TLL2: variants seen among roughly 807,000 people sequenced by gnomAD.
The protein encoded by TLL2 is tolloid like 2.
A neutral mutation model predicts 123.0 loss-of-function variants in TLL2; 106 were observed. That is an observed-to-expected ratio of 0.86 (90% CI 0.74 to 1.01). The LOEUF is 1.01. TLL2 is among the 50% of genes least tolerant of loss of function. The pLI, the probability that TLL2 is intolerant of heterozygous loss-of-function variation, is 0.00. For synonymous variants in TLL2, 494 were observed against 516.8 expected (o/e 0.96, Z 0.60); for missense variants, 1,332 against 1,336.7 (o/e 1.00, Z 0.06).
intron 1 of TLL2, 54 bp downstream of exon 1, chr10:96,513,457 C>T: frequency 6.2e-7 from 1 of 1,606,694 alleles, no homozygotes; most frequent in Admixed American, 1.7e-5. Flanking sequence ...CCCACCACCT[C>T]ATTTGCATTT....
Position 96,421,663 on chromosome 10 carries a change from CAA to C in TLL2, c.818-604_818-603del, listed in dbSNP as rs35084852. On this transcript the variant is annotated intron_variant, in intron 6 of 20. Transcript: ENST00000357947. ...TGGGTGACAGAGCAAGACTCTGTCT[CAA>C]AAAAAAAAAAAAAGTACAAAAATTA... 8.0e-3 allele frequency among the ~76,000 whole-genome samples: 955 copies of C among 119,868 alleles called. 7 individuals are homozygous for C. Among genetic ancestry groups the C allele is most frequent in the African/African-American group, 0.027 (840 of 31,296 alleles). 78.6% of individuals were successfully genotyped at this position (119,868 alleles called of 152,430 possible). A position where few individuals can be genotyped will look rare whatever the true frequency, so the allele number is the denominator to read the frequency against.
At chr10:96,446,906 T>C (rs1037528535) in intron 2 of TLL2, among the ~76,000 whole-genome samples, 7 of 152,226 alleles carry the variant, frequency 4.6e-5, no homozygotes, top group African/African-American at 1.4e-4. Context: ...GGTGAGTTCC[T>C]GCTCTCAAGA....
At chr10:96,369,115 G>A (rs1482006795) in intron 20 of TLL2, among the ~76,000 whole-genome samples, 4 of 152,208 alleles carry the variant, frequency 2.6e-5, no homozygotes, top group Non-Finnish European at 4.4e-5. Flanking sequence ...TTGAGCGACC[G>A]GGCCTCCAGG....
chr10:96,484,307 G>C (rs1847338222), intron 1 of TLL2, among the ~76,000 whole-genome samples: 1 of 152,202 alleles, frequency 6.6e-6, no homozygotes, highest in South Asian at 2.1e-4. Context: ...CTGAGACATA[G>C]AGTGAAGATG....
At chr10:96,405,179 T>C (rs1372665318) in intron 10 of TLL2, 53 bp downstream of exon 10, 5 of 1,540,268 alleles carry the variant, frequency 3.2e-6, no homozygotes, top group African/African-American at 1.4e-5. Context: ...ATTAACAGCA[T>C]CCCGGGGAAC....
In TLL2 at chr10:96,378,942, C is replaced by A. The variant is rs184028748; in HGVS notation, c.2320+25G>T. The A allele has an allele frequency of 1.8e-4, 295 of 1,612,400 alleles. No individual in the cohort carries two copies. The East Asian group carries it at 4.9e-3, about 27-fold the overall frequency. ...GTGCGGCGAAGGGCAGCCCGCCCCC[C>A]CAACAACTGGAGGTCCAGCCTCACC... On this transcript the variant is annotated intron_variant, in intron 17 of 20. Coordinates refer to ENST00000357947, the MANE Select transcript of TLL2 (RefSeq NM_012465.4).
At chr10:96,427,567 T>C (rs984506803) in intron 5 of TLL2, among the ~76,000 whole-genome samples, 4 of 152,214 alleles carry the variant, frequency 2.6e-5, no homozygotes, top group Non-Finnish European at 5.9e-5. Flanking sequence ...CCCTTTCTCA[T>C]TATAAAGTGT....
In TLL2 at chr10:96,470,356, T is replaced by C. The variant is rs150919575; in HGVS notation, c.286+9993A>G. Among the ~76,000 whole-genome samples, 495 of 152,334 alleles carry C rather than the reference T, an allele frequency of 3.2e-3. 17 individuals are homozygous for C. The highest frequency in any genetic ancestry group is 0.029 in the Admixed American group (445 of 15,292). Reference sequence around the variant, plus strand: ...CAAGGCCATCAGGCAGTCTTGAGCCTCCTGGCTCCATCCACAGTTCACACG... The same window carrying C: ...CAAGGCCATCAGGCAGTCTTGAGCCCCCTGGCTCCATCCACAGTTCACACG... On this transcript the variant is annotated intron_variant, in intron 2 of 20. Coordinates refer to ENST00000357947, the MANE Select transcript of TLL2 (RefSeq NM_012465.4).
intron 9 of TLL2, among the ~76,000 whole-genome samples, chr10:96,406,040 T>C (rs11599403): frequency 0.17 from 25,990 of 152,110 alleles, 2,528 homozygotes; most frequent in African/African-American, 0.27. Context: ...ATGAGGAGCA[T>C]CTTGGCAGCC....
At chr10:96,500,280 T>C (rs1415890850) in intron 1 of TLL2, among the ~76,000 whole-genome samples, 1 of 151,962 alleles carries the variant, frequency 6.6e-6, no homozygotes, top group Non-Finnish European at 1.5e-5. Flanking sequence ...ATTGCGCCAC[T>C]GCACTTTAGC....
intron 17 of TLL2, among the ~76,000 whole-genome samples, chr10:96,378,062 G>A (rs377385931): frequency 1.1e-4 from 16 of 152,284 alleles, no homozygotes; most frequent in East Asian, 7.7e-4. Context: ...CAGCCCCTCC[G>A]CCACCTGTGA....
chr10:96,364,772 A>T lies in TLL2; in HGVS notation c.*3316T>A, dbSNP rs1846008109. The T allele has an allele frequency of 2.0e-5, 3 of 152,674 alleles. No homozygotes were observed. The highest frequency in any genetic ancestry group is 6.5e-5 in the Admixed American group (1 of 15,290). 9.5% of individuals were successfully genotyped at this position (152,674 alleles called of 1,614,324 possible). A position where few individuals can be genotyped will look rare whatever the true frequency, so the allele number is the denominator to read the frequency against. On this transcript the variant is annotated 3_prime_UTR_variant, in exon 21 of 21. Transcript: ENST00000357947. The stretch of plus-strand genomic sequence containing the variant: ...AATACTTTAAACAATTTTCCTTTTT[A>T]AAAATAAAATTTTAGGCATTTGGTA...
chr10:96,422,838 G>T, intron 5 of TLL2, 111 bp from the exon 6 acceptor site: 2 of 1,330,682 alleles, frequency 1.5e-6, no homozygotes, highest in Non-Finnish European at 2.1e-6. Flanking sequence ...TAAAAGAACA[G>T]AATTTCAGGC....
chr10:96,494,525 C>T (rs981444014), intron 1 of TLL2, among the ~76,000 whole-genome samples: 19 of 152,358 alleles, frequency 1.2e-4, no homozygotes, highest in Admixed American at 1.2e-3. Context: ...ATCTCACCTT[C>T]ATCAACCAGG....
chr10:96,442,202 G>A (rs1846856269), intron 3 of TLL2, among the ~76,000 whole-genome samples: 1 of 152,136 alleles, frequency 6.6e-6, no homozygotes, highest in Non-Finnish European at 1.5e-5. Context: ...CAAAGCTGGA[G>A]GCACAAATCC....
At chr10:96,371,386 A>C (rs1288705100) in intron 19 of TLL2, among the ~76,000 whole-genome samples, 1 of 152,120 alleles carries the variant, frequency 6.6e-6, no homozygotes, top group Non-Finnish European at 1.5e-5. Context: ...ATTAGCAAGC[A>C]CCAGAAATTC....
intron 7 of TLL2, among the ~76,000 whole-genome samples, chr10:96,414,857 T>C (rs566111199): frequency 1.3e-5 from 2 of 152,188 alleles, no homozygotes; most frequent in South Asian, 2.1e-4. Flanking sequence ...AGGAGCCAGG[T>C]CCTGTCCACT....
chr10:96,459,505 C>A (rs371081278), intron 2 of TLL2, among the ~76,000 whole-genome samples: 2 of 149,982 alleles, frequency 1.3e-5, no homozygotes, highest in African/African-American at 4.9e-5. Context: ...ATGGTGAAAC[C>A]CCGTCTCCAC....
intron 1 of TLL2, among the ~76,000 whole-genome samples, chr10:96,496,492 G>A (rs1847476873): frequency 6.6e-6 from 1 of 152,192 alleles, no homozygotes; most frequent in African/African-American, 2.4e-5. Flanking sequence ...AGAACACACA[G>A]CCCTGCCCTC....
Sources: gnomAD v4.1 joint callset for allele counts (sites outside exome capture counted in the v4.1 genomes callset) on GRCh38, gnomAD v4.1.1 for gene constraint, MANE v1.5 for transcripts, NCBI Gene and HGNC (gene_info 2026-07-23, HGNC 2026-07-21) for gene names.